The following ZNF804B variants were observed in gnomAD, a reference collection of about 807,000 sequenced individuals.
ZNF804B encodes zinc finger protein 804B, also known as zinc finger 804B.
A neutral mutation model predicts 101.4 loss-of-function variants in ZNF804B; 80 were observed. The observed-to-expected ratio is 0.79, with a 90% CI of 0.66 to 0.95. The LOEUF (loss-of-function observed/expected upper bound fraction) is 0.95. Ranked by LOEUF, ZNF804B falls within the 40% of genes least tolerant of loss-of-function variation. ZNF804B has a pLI of 0.00. For synonymous variants in ZNF804B, 622 were observed against 558.8 expected, an observed-to-expected ratio of 1.11 and a Z score of -1.59; for missense variants, 1,673 against 1,561.9, an observed-to-expected ratio of 1.07 and a Z score of -1.20.
intron 1 of ZNF804B, among the ~76,000 whole-genome samples, chr7:89,032,877 A>C (rs1788860239): frequency 6.6e-6 from 1 of 152,074 alleles, no homozygotes; most frequent in Non-Finnish European, 1.5e-5. Context: ...TAATTTATGA[A>C]TATAATGTGG....
intron 2 of ZNF804B, among the ~76,000 whole-genome samples, chr7:89,299,178 C>A (rs969736697): frequency 1.3e-5 from 2 of 152,000 alleles, no homozygotes; most frequent in Non-Finnish European, 2.9e-5. Context: ...TATGAGCAAA[C>A]TGTCTGCTTT....
chr7:88,926,942 GC>G (rs1161681248), intron 1 of ZNF804B, among the ~76,000 whole-genome samples: 1,620 of 75,650 alleles, frequency 0.021, 42 homozygotes, highest in African/African-American at 0.1. Flanking sequence ...GTGGTGGGGA[GC>G]GGGGGGAAAG....
intron 1 of ZNF804B, among the ~76,000 whole-genome samples, chr7:89,154,551 C>T (rs548521440): frequency 6.6e-6 from 1 of 152,084 alleles, no homozygotes; most frequent in African/African-American, 2.4e-5. Context: ...GAGATCCTGT[C>T]ATTTGCAACA....
chr7:89,016,108 T>C (rs1024571201), intron 1 of ZNF804B, among the ~76,000 whole-genome samples: 4 of 152,152 alleles, frequency 2.6e-5, no homozygotes, highest in African/African-American at 9.6e-5. Flanking sequence ...CATTTTTTCA[T>C]GTGTTTTTTG....
intron 1 of ZNF804B, among the ~76,000 whole-genome samples, chr7:88,901,224 T>C (rs940177021): frequency 2.6e-5 from 4 of 151,846 alleles, no homozygotes; most frequent in African/African-American, 9.7e-5. Flanking sequence ...AGCATTTCAG[T>C]CTAAAATAAA....
rs1309647751 is a variant in ZNF804B, at chr7:88,830,208, A to G, written c.108+70124A>G. Among the ~76,000 whole-genome samples the G allele has an allele frequency of 3.3e-5, 5 of 152,148 alleles. No homozygotes were observed. In the East Asian group the frequency reaches 7.7e-4, roughly 23 times the overall value. On this transcript the variant is annotated intron_variant, in intron 1 of 3. Coordinates refer to ENST00000333190, the MANE Select transcript of ZNF804B (RefSeq NM_181646.5). Reference sequence around the variant, plus strand: ...ACTGGGGCTTGTGTTGCCAAAAGGCATTTAAGAACTCAAATTATGTAATTA... The same window carrying G: ...ACTGGGGCTTGTGTTGCCAAAAGGCGTTTAAGAACTCAAATTATGTAATTA...
intron 1 of ZNF804B, among the ~76,000 whole-genome samples, chr7:89,006,178 A>C (rs1296485358): frequency 6.6e-6 from 1 of 152,104 alleles, no homozygotes; most frequent in African/African-American, 2.4e-5. Flanking sequence ...TAGGTAAAAT[A>C]ATGGCTTTTA....
chr7:88,985,484 G>A (rs933782582), intron 1 of ZNF804B, among the ~76,000 whole-genome samples: 2 of 151,800 alleles, frequency 1.3e-5, no homozygotes, highest in Non-Finnish European at 2.9e-5. Flanking sequence ...GAGTGTAAAG[G>A]GTGTGAAGGG....
chr7:89,161,639 T>A (rs967114607), intron 1 of ZNF804B, among the ~76,000 whole-genome samples: 2 of 152,014 alleles, frequency 1.3e-5, no homozygotes, highest in Non-Finnish European at 2.9e-5. Flanking sequence ...TCCTCCCACC[T>A]TAGCCTCCCA....
chr7:89,203,657 A>C (rs1788677499), intron 1 of ZNF804B, among the ~76,000 whole-genome samples: 1 of 152,138 alleles, frequency 6.6e-6, no homozygotes, highest in African/African-American at 2.4e-5. Flanking sequence ...GTTTGAAATA[A>C]TGGTGTGCCT....
At chr7:89,072,961 G>A (rs1789565156) in intron 1 of ZNF804B, among the ~76,000 whole-genome samples, 1 of 152,006 alleles carries the variant, frequency 6.6e-6, no homozygotes, top group African/African-American at 2.4e-5. Context: ...GTATCAAAGA[G>A]CTTATTCAAT....
At chr7:88,933,393 C>T (rs888103472) in intron 1 of ZNF804B, among the ~76,000 whole-genome samples, 1 of 151,880 alleles carries the variant, frequency 6.6e-6, no homozygotes, top group Non-Finnish European at 1.5e-5. Context: ...CAAGGATGCA[C>T]ACTTTAACCA....
intron 1 of ZNF804B, among the ~76,000 whole-genome samples, chr7:89,117,331 C>T (rs1248876827): frequency 6.6e-6 from 1 of 152,180 alleles, no homozygotes; most frequent in Non-Finnish European, 1.5e-5. Flanking sequence ...ATCATGTATA[C>T]AGAAAACTAT....
At chr7:88,799,534 C>G (rs4728776) in intron 1 of ZNF804B, among the ~76,000 whole-genome samples, 50,894 of 151,602 alleles carry the variant, frequency 0.34, 9,861 homozygotes, top group East Asian at 0.68. Context: ...CCAAAGGATA[C>G]CTTATGGTTT....
chr7:89,181,660 C>T (rs957714638), intron 1 of ZNF804B, among the ~76,000 whole-genome samples: 1 of 152,142 alleles, frequency 6.6e-6, no homozygotes, highest in African/African-American at 2.4e-5. Context: ...TGTGATTGCT[C>T]ACCTTGTTTT....
chr7:88,818,360 T>C (rs1790918231), intron 1 of ZNF804B, among the ~76,000 whole-genome samples: 1 of 152,094 alleles, frequency 6.6e-6, no homozygotes, highest in Non-Finnish European at 1.5e-5. Flanking sequence ...AAATAACATA[T>C]AGCCAAAAAT....
intron 1 of ZNF804B, among the ~76,000 whole-genome samples, chr7:89,019,720 A>G (rs777070709): frequency 6.3e-4 from 95 of 151,988 alleles, no homozygotes; most frequent in Non-Finnish European, 5.4e-4. Flanking sequence ...TATTTATTAT[A>G]CAATGTCCTT....
At chr7:89,126,330 T>C (rs1384423275) in intron 1 of ZNF804B, among the ~76,000 whole-genome samples, 2 of 151,948 alleles carry the variant, frequency 1.3e-5, no homozygotes, top group Non-Finnish European at 2.9e-5. Context: ...TCTTGATGGC[T>C]GAGTAAACCA....
chr7:89,301,780 C>T (rs996651692), intron 2 of ZNF804B, among the ~76,000 whole-genome samples: 2 of 151,776 alleles, frequency 1.3e-5, no homozygotes, highest in African/African-American at 2.4e-5. Flanking sequence ...TTAATAGATG[C>T]GTGACCCCAG....
Sources: gnomAD v4.1 joint callset for allele counts (sites outside exome capture counted in the v4.1 genomes callset) on GRCh38, gnomAD v4.1.1 for gene constraint, MANE v1.5 for transcripts, NCBI Gene and HGNC (gene_info 2026-07-23, HGNC 2026-07-21) for gene names.